Variants in MGAT5 observed in about 807,000 individuals in gnomAD.
The protein encoded by MGAT5 is alpha-1,6-mannosylglycoprotein 6-beta-N-acetylglucosaminyltransferase.
MGAT5 carries 30 observed loss-of-function variants against 94.3 expected under a neutral mutation model. The ratio of observed to expected loss-of-function variants is 0.32; its 90% CI spans 0.24 to 0.43. The LOEUF is 0.43. Ranked by LOEUF, MGAT5 falls within the 20% of genes least tolerant of loss-of-function variation. The pLI is 1.00. For missense variants in MGAT5, 691 were observed against 905.5 expected, an observed-to-expected ratio of 0.76 and a Z score of 3.04; for synonymous variants, 310 against 322.9, an observed-to-expected ratio of 0.96 and a Z score of 0.43.
rs1689232395 is a variant in MGAT5 at position 134,189,602 on chromosome 2, G to GTTGTTTTTTTTTTTTT, written c.-142-64658_-142-64657insGTTTTTTTTTTTTTTT. Among the ~76,000 whole-genome samples the GTTGTTTTTTTTTTTTT allele has an allele frequency of 3.7e-4, 31 of 84,650 alleles. 1 individual carries two copies. Among genetic ancestry groups the GTTGTTTTTTTTTTTTT allele is most frequent in the African/African-American group, 1.4e-3 (30 of 20,994 alleles). 55.5% of individuals were successfully genotyped at this position (84,650 alleles called of 152,430 possible). On this transcript the variant is annotated intron_variant, in intron 1 of 16. Transcript: ENST00000409645. ...AACCTCATGGCTCTAGTTTTTTTTT[G>GTTGTTTTTTTTTTTTT]TTTTTTTTTTTTTTTTTTAAGACAG...
intron 10 of MGAT5, among the ~76,000 whole-genome samples, chr2:134,373,862 G>T (rs1463624974): frequency 6.6e-6 from 1 of 152,174 alleles, no homozygotes; most frequent in Non-Finnish European, 1.5e-5. Context: ...GCTTCATTTG[G>T]TTCAAGGGTG....
chr2:134,148,713 T>C (rs546122595), intron 1 of MGAT5, among the ~76,000 whole-genome samples: 1 of 152,244 alleles, frequency 6.6e-6, no homozygotes, highest in South Asian at 2.1e-4. Context: ...CGTAGAGAAC[T>C]TTCTGAGCTA....
intron 10 of MGAT5, among the ~76,000 whole-genome samples, chr2:134,367,011 G>T (rs974905765): frequency 1.3e-5 from 2 of 152,220 alleles, no homozygotes; most frequent in African/African-American, 4.8e-5. Context: ...AGGTAAAGCT[G>T]TGGTGAGCAG....
At chr2:134,121,043 C>G (rs950439417) in intron 1 of MGAT5, among the ~76,000 whole-genome samples, 10 of 151,932 alleles carry the variant, frequency 6.6e-5, no homozygotes, top group Admixed American at 4.6e-4. Flanking sequence ...CCTGCCGAGT[C>G]GTGAGCCGCC....
At chr2:134,128,486 T>C (rs1469960324) in intron 1 of MGAT5, among the ~76,000 whole-genome samples, 1 of 152,206 alleles carries the variant, frequency 6.6e-6, no homozygotes, top group Non-Finnish European at 1.5e-5. Flanking sequence ...TTCATGATAA[T>C]GAGTTGCTTA....
At chr2:134,237,379 T>C (rs1681703780) in intron 1 of MGAT5, among the ~76,000 whole-genome samples, 1 of 152,284 alleles carries the variant, frequency 6.6e-6, no homozygotes, top group South Asian at 2.1e-4. Flanking sequence ...TAAGTAAATG[T>C]TTGCAGAATA....
intron 1 of MGAT5, among the ~76,000 whole-genome samples, chr2:134,183,738 C>T (rs1190261294): frequency 6.6e-6 from 1 of 152,246 alleles, no homozygotes; most frequent in Non-Finnish European, 1.5e-5. Context: ...CTGCAGCCAT[C>T]ATCCATGGTG....
chr2:134,399,379 A>G (rs1157715825), intron 10 of MGAT5, among the ~76,000 whole-genome samples: 1 of 152,226 alleles, frequency 6.6e-6, no homozygotes, highest in Non-Finnish European at 1.5e-5. Context: ...GCCTCCAGCT[A>G]CAACCATAAA....
intron 1 of MGAT5, among the ~76,000 whole-genome samples, chr2:134,242,455 A>G (rs1682023931): frequency 1.3e-5 from 2 of 152,176 alleles, no homozygotes; most frequent in South Asian, 4.1e-4. Context: ...CAAAAGTAAT[A>G]TAAGTTCTGT....
rs1001120065 is a variant in MGAT5 at position 134,270,649 on chromosome 2, A to G, written c.406+99A>G. 7 of 1,210,456 alleles carry G rather than the reference A, an allele frequency of 5.8e-6. No homozygotes were observed. The African/African-American group carries it at 9.3e-5, about 16-fold the overall frequency. 75.0% of individuals were successfully genotyped at this position (1,210,456 alleles called of 1,614,324 possible). ...AGTGGTTCTTACTGGAACCTGCATAATATAAATTCTATAAACTTGGCATGG... is the reference window on the plus strand; with the variant it reads ...AGTGGTTCTTACTGGAACCTGCATAGTATAAATTCTATAAACTTGGCATGG... On this transcript the variant is annotated intron_variant, in intron 2 of 15. Transcript: ENST00000281923.
In MGAT5 at chr2:134,441,638, A is replaced by G. The variant is rs1685491072; in HGVS notation, c.1870-120A>G. ...ATCCAGCCCATCCATGTGGCTCCCA[A>G]CTCTTCCCCGTCCCTGTGCTCTCCC... On this transcript the variant is annotated intron_variant, in intron 14 of 15. Transcript: ENST00000281923. 42 of 1,248,382 alleles carry G rather than the reference A, an allele frequency of 3.4e-5. 1 individual carries two copies. The South Asian group carries it at 5.8e-4, about 17-fold the overall frequency. The allele number at this position is 1,248,382 out of a possible 1,614,324, so 77.3% of individuals were successfully genotyped here.
At chr2:134,371,045 A>G (rs1046466551) in intron 10 of MGAT5, among the ~76,000 whole-genome samples, 3 of 152,196 alleles carry the variant, frequency 2.0e-5, no homozygotes, top group African/African-American at 4.8e-5. Context: ...GCTTTATGCA[A>G]TCGTCTTAGA....
intron 9 of MGAT5, among the ~76,000 whole-genome samples, chr2:134,354,325 C>T (rs954665348): frequency 6.6e-6 from 1 of 152,136 alleles, no homozygotes; most frequent in African/African-American, 2.4e-5. Flanking sequence ...ACAAAGTCTT[C>T]AGGACTAGCT....
chr2:134,389,520 GCT>G (rs1682266427), intron 10 of MGAT5, among the ~76,000 whole-genome samples: 1 of 152,152 alleles, frequency 6.6e-6, no homozygotes, highest in South Asian at 2.1e-4. Flanking sequence ...TGCTTTCCCA[GCT>G]GAACTATCAG....
At chr2:134,349,975 C>T in intron 9 of MGAT5, 37 bp downstream of exon 9, 2 of 1,609,764 alleles carry the variant, frequency 1.2e-6, no homozygotes, top group Non-Finnish European at 1.7e-6. Flanking sequence ...TTCCAGAATG[C>T]CACCAAAGAT....
intron 1 of MGAT5, among the ~76,000 whole-genome samples, chr2:134,128,249 GAAAAGA>G (rs1685946011): frequency 6.6e-6 from 1 of 151,474 alleles, no homozygotes. Flanking sequence ...GAGAATGAAA[GAAAAGA>G]AAAAGAAAAG....
chr2:134,246,228 A>G (rs942718585), intron 1 of MGAT5, among the ~76,000 whole-genome samples: 4 of 150,088 alleles, frequency 2.7e-5, no homozygotes, highest in East Asian at 2.0e-4. Context: ...GTTCATACCT[A>G]TTTCTTGGGC....
chr2:134,428,477 A>G, intron 14 of MGAT5, 38 bp downstream of exon 14: 1 of 1,575,352 alleles, frequency 6.3e-7, no homozygotes. Context: ...TTTGCTGTGT[A>G]CTGCTTCCTG....
At chr2:134,230,241 T>A (rs1380263846) in intron 1 of MGAT5, among the ~76,000 whole-genome samples, 2 of 152,224 alleles carry the variant, frequency 1.3e-5, no homozygotes, top group Non-Finnish European at 2.9e-5. Flanking sequence ...TTTGTGCTCC[T>A]ATGAGAATCT....
Sources: gnomAD v4.1 joint callset for allele counts (sites outside exome capture counted in the v4.1 genomes callset) on GRCh38, gnomAD v4.1.1 for gene constraint, MANE v1.5 for transcripts, NCBI Gene and HGNC (gene_info 2026-07-23, HGNC 2026-07-21) for gene names.